Variants in DLC1 observed in about 807,000 individuals in gnomAD.
DLC1 encodes DLC1 Rho GTPase activating protein, also known as rho GTPase-activating protein 7.
DLC1 carries 54 observed loss-of-function variants against 140.3 expected under a neutral mutation model. The observed-to-expected ratio is 0.38, with a 90% CI of 0.31 to 0.48. The LOEUF (loss-of-function observed/expected upper bound fraction) is 0.48, where lower values mean the gene tolerates loss of function less well. Ranked by LOEUF, DLC1 falls within the 20% of genes least tolerant of loss-of-function variation. The probability of loss-of-function intolerance (pLI) is 0.96; values close to 1 mark genes in which losing one functional copy is unlikely to be tolerated. For synonymous variants in DLC1, 986 were observed against 728.1 expected (o/e 1.35, Z -5.70); for missense variants, 2,536 against 1,907.0 (o/e 1.33, Z -6.14).
chr8:13,120,081 G>A (rs374532138), intron 5 of DLC1, among the ~76,000 whole-genome samples: 7 of 151,636 alleles, frequency 4.6e-5, no homozygotes, highest in African/African-American at 1.2e-4. Context: ...GGTGGCTCAC[G>A]CCTGTAATAC....
intron 6 of DLC1, among the ~76,000 whole-genome samples, chr8:13,111,660 A>C (rs778915483): frequency 2.6e-5 from 4 of 152,146 alleles, no homozygotes; most frequent in Non-Finnish European, 4.4e-5. Flanking sequence ...AACAGCTCTG[A>C]AATTGCCACT....
intron 1 of DLC1, among the ~76,000 whole-genome samples, chr8:13,560,692 G>A (rs1002989575): frequency 2.0e-5 from 3 of 152,232 alleles, no homozygotes; most frequent in Admixed American, 1.3e-4. Context: ...TTTGGAGATG[G>A]AGTCTTTAAA....
At chr8:13,147,232 C>G (rs529653043) in intron 5 of DLC1, among the ~76,000 whole-genome samples, 28 of 152,242 alleles carry the variant, frequency 1.8e-4, no homozygotes, top group Admixed American at 9.2e-4. Flanking sequence ...AGCGAGGGAT[C>G]TCACCCAAAA....
chr8:13,568,040 C>T, intron 1 of DLC1: 7 of 1,344,062 alleles, frequency 5.2e-6, no homozygotes, highest in Non-Finnish European at 6.0e-6. Context: ...TACTATGCTT[C>T]CTTCACAGAT....
intron 5 of DLC1, chr8:13,304,955 T>G: frequency 9.7e-7 from 1 of 1,031,386 alleles, no homozygotes; most frequent in Non-Finnish European, 1.2e-6. Context: ...TAATAACTAA[T>G]TTCCAAATTC....
chr8:13,102,215 A>C (rs550354587), intron 8 of DLC1, among the ~76,000 whole-genome samples: 2 of 152,288 alleles, frequency 1.3e-5, no homozygotes, highest in East Asian at 3.9e-4. Flanking sequence ...CTAAGATCTC[A>C]TAAAAAGTCT....
At chr8:13,255,135 C>T (rs1158515879) in intron 5 of DLC1, among the ~76,000 whole-genome samples, 2 of 152,184 alleles carry the variant, frequency 1.3e-5, no homozygotes, top group Non-Finnish European at 2.9e-5. Flanking sequence ...TGCCACCACG[C>T]CCAGCTAACT....
At chr8:13,307,456 T>C (rs952718762) in intron 4 of DLC1, among the ~76,000 whole-genome samples, 1 of 152,230 alleles carries the variant, frequency 6.6e-6, no homozygotes, top group Non-Finnish European at 1.5e-5. Flanking sequence ...AATGTTTGTT[T>C]ACTTTCTATG....
intron 5 of DLC1, among the ~76,000 whole-genome samples, chr8:13,198,478 T>C (rs1227369757): frequency 1.5e-4 from 23 of 152,178 alleles, no homozygotes; most frequent in Admixed American, 1.5e-3. Context: ...TTTGTTTTCT[T>C]CCTAAGTGTC....
chr8:13,477,275 C>T lies in DLC1; in HGVS notation c.1023+21774G>A, dbSNP rs140178367. Among the ~76,000 whole-genome samples, 401 of 152,212 alleles carry T rather than the reference C, an allele frequency of 2.6e-3. 2 individuals are homozygous for T. The highest frequency in any genetic ancestry group is 9.3e-3 in the African/African-American group (386 of 41,544). On this transcript the variant is annotated intron_variant, in intron 2 of 17. Transcript: ENST00000276297. ...CTCAGTGAAGATATCTTCAAGAAGA[C>T]AGCGTGGAAGATGTAGCTTTGGTAA...
chr8:13,215,419 C>A (rs1412586793), intron 5 of DLC1, among the ~76,000 whole-genome samples: 2 of 152,030 alleles, frequency 1.3e-5, no homozygotes, highest in African/African-American at 4.8e-5. Context: ...AACCCCATCT[C>A]TACTAAAAAT....
rs945160149 is a variant in DLC1 at position 13,305,292 on chromosome 8, C to T, written c.1325G>A (p.Gly442Asp). The change falls in exon 5 of 18, where the codon GGT (glycine) becomes GAT (aspartate). Residue 442 changes from glycine (G) to aspartate (D), a missense_variant. By Grantham distance (94) the Gly-to-Asp change is moderately conservative. Transcript: ENST00000276297. ...GTKPKTTAIQ[G>D]ISEKEKAEIE... ...ACCAGCCTTTTCCTTCTCTGAAATA[C>T]CTTGAATAGCCTGAAAAAAAAGACA... 2.4e-5 allele frequency: 39 copies of T among 1,598,862 alleles called. No individual in the cohort carries two copies. Among genetic ancestry groups the T allele is most frequent in the Middle Eastern group, 1.7e-4 (1 of 6,022 alleles).
intron 5 of DLC1, among the ~76,000 whole-genome samples, chr8:13,239,396 G>C (rs763100397): frequency 6.6e-6 from 1 of 152,102 alleles, no homozygotes; most frequent in Non-Finnish European, 1.5e-5. Context: ...AACTGAAACA[G>C]AGTGTTGAGT....
At chr8:13,568,184 A>T (rs952493443) in intron 1 of DLC1, 1 of 460,102 alleles carries the variant, frequency 2.2e-6, no homozygotes, top group Non-Finnish European at 3.9e-6. Flanking sequence ...GATGGTACAG[A>T]AGCAAAGTAG....
chr8:13,190,740 C>T (rs1003922205), intron 5 of DLC1, among the ~76,000 whole-genome samples: 5 of 151,872 alleles, frequency 3.3e-5, no homozygotes, highest in South Asian at 2.1e-4. Context: ...GAGGGAGAGG[C>T]GTGGGCCCGA....
intron 5 of DLC1, among the ~76,000 whole-genome samples, chr8:13,293,038 C>A (rs1358296745): frequency 6.6e-6 from 1 of 152,100 alleles, no homozygotes; most frequent in African/African-American, 2.4e-5. Flanking sequence ...GCCTGGGCAA[C>A]ATGGTGAGAT....
intron 1 of DLC1, among the ~76,000 whole-genome samples, chr8:13,542,905 C>G (rs1034159941): frequency 6.6e-5 from 10 of 152,102 alleles, no homozygotes; most frequent in African/African-American, 2.4e-4. Flanking sequence ...ATTACGTAGT[C>G]TATTACTGAA....
At chr8:13,309,394 C>G (rs1319860228) in intron 4 of DLC1, among the ~76,000 whole-genome samples, 1 of 152,140 alleles carries the variant, frequency 6.6e-6, no homozygotes, top group African/African-American at 2.4e-5. Context: ...CACTCCAACC[C>G]TCTATGTTGA....
chr8:13,413,256 A>AGTTTTTTTTTTTTTTTTTTT (rs1491415150), intron 2 of DLC1, among the ~76,000 whole-genome samples: 1 of 82,006 alleles, frequency 1.2e-5, no homozygotes, highest in African/African-American at 5.0e-5. Flanking sequence ...TTTTTTTGCG[A>AGTTTTTTTTTTTTTTTTTTT]TTTTTTTTTT....
Sources: gnomAD v4.1 joint callset for allele counts (sites outside exome capture counted in the v4.1 genomes callset) on GRCh38, gnomAD v4.1.1 for gene constraint, MANE v1.5 for transcripts, NCBI Gene and HGNC (gene_info 2026-07-23, HGNC 2026-07-21) for gene names.